Variants in SLC35D4 observed in about 807,000 individuals in gnomAD.
SLC35D4 encodes solute carrier family 35 member D4, also known as UDP-N-acetylglucosamine transporter SLC35D4.
At chr18:23,410,286 G>C in the SLC35D4 span, among the ~76,000 whole-genome samples, 3 of 152,006 alleles carry the variant, frequency 2.0e-5, no homozygotes, top group Non-Finnish European at 2.9e-5. Context: ...GACCATCCTG[G>C]CTAACACAGT....
At chr18:23,336,081 A>G in the SLC35D4 span, among the ~76,000 whole-genome samples, 1 of 152,074 alleles carries the variant, frequency 6.6e-6, no homozygotes, top group East Asian at 1.9e-4. Context: ...AAAAAAAAAA[A>G]CAAGAACCTT....
At chr18:23,297,867 C>T in the SLC35D4 span, 3 of 960,220 alleles carry the variant, frequency 3.1e-6, no homozygotes, top group East Asian at 2.7e-5. Flanking sequence ...AGGGTGATGG[C>T]ACTGCCCACC....
At chr18:23,271,574 G>A in the SLC35D4 span, among the ~76,000 whole-genome samples, 1 of 152,126 alleles carries the variant, frequency 6.6e-6, no homozygotes, top group African/African-American at 2.4e-5. Flanking sequence ...CTGAGTTATA[G>A]ACAGGCCTGT....
At chr18:23,331,072 G>C in the SLC35D4 span, 1 of 152,282 alleles carries the variant, frequency 6.6e-6, no homozygotes, top group Non-Finnish European at 1.5e-5. Context: ...CAGCAGGAGC[G>C]TTCAGCGAGA....
the SLC35D4 span, among the ~76,000 whole-genome samples, chr18:23,249,715 C>A: frequency 7.2e-5 from 11 of 152,202 alleles, no homozygotes. Context: ...GAGTGACTTT[C>A]TCCCTGTTGC....
chr18:23,315,570 G>A, the SLC35D4 span, among the ~76,000 whole-genome samples: 2 of 152,214 alleles, frequency 1.3e-5, no homozygotes, highest in Non-Finnish European at 2.9e-5. Flanking sequence ...CAGATAATCA[G>A]AGCTGGTAAT....
At chr18:23,403,976 G>A in the SLC35D4 span, among the ~76,000 whole-genome samples, 1 of 151,966 alleles carries the variant, frequency 6.6e-6, no homozygotes, top group Non-Finnish European at 1.5e-5. Context: ...AAATTAGCTG[G>A]GCACGGTGGC....
chr18:23,284,982 T>G, the SLC35D4 span, among the ~76,000 whole-genome samples: 4 of 152,368 alleles, frequency 2.6e-5, no homozygotes, highest in Non-Finnish European at 5.9e-5. Context: ...CTCCTGTGTC[T>G]GTCTCCTCAA....
the SLC35D4 span, chr18:23,257,759 G>A: frequency 5.9e-6 from 1 of 168,468 alleles, no homozygotes; most frequent in Non-Finnish European, 1.3e-5. Context: ...GGGGAAGAGA[G>A]TCTGCAGAAG....
At chr18:23,325,122 A>G in the SLC35D4 span, among the ~76,000 whole-genome samples, 1 of 152,090 alleles carries the variant, frequency 6.6e-6, no homozygotes, top group Non-Finnish European at 1.5e-5. Flanking sequence ...CTGGGTCACA[A>G]ACTGGCTGAA....
the SLC35D4 span, among the ~76,000 whole-genome samples, chr18:23,254,903 G>C: frequency 9.8e-3 from 1,494 of 152,304 alleles, 31 homozygotes; most frequent in African/African-American, 0.034. Flanking sequence ...CCCATAACAA[G>C]GGGCATGCCA....
the SLC35D4 span, among the ~76,000 whole-genome samples, chr18:23,421,016 G>A: frequency 6.6e-6 from 1 of 151,912 alleles, no homozygotes; most frequent in Non-Finnish European, 1.5e-5. Flanking sequence ...GGTCAAGGCA[G>A]GTGGATCACT....
At chr18:23,267,525 C>T in the SLC35D4 span, among the ~76,000 whole-genome samples, 1 of 152,120 alleles carries the variant, frequency 6.6e-6, no homozygotes, top group South Asian at 2.1e-4. Flanking sequence ...CCCCAGGACA[C>T]TCCTCTAGCT....
At chr18:23,282,374 C>A in the SLC35D4 span, among the ~76,000 whole-genome samples, 16 of 152,322 alleles carry the variant, frequency 1.1e-4, no homozygotes, top group African/African-American at 3.6e-4. Flanking sequence ...GTTTTACTAA[C>A]GGTAAACCAC....
chr18:23,245,530 G>T, the SLC35D4 span, among the ~76,000 whole-genome samples: 2 of 151,228 alleles, frequency 1.3e-5, no homozygotes, highest in African/African-American at 2.4e-5. Flanking sequence ...AGCGAAATAG[G>T]TATCAGTGTT....
the SLC35D4 span, among the ~76,000 whole-genome samples, chr18:23,311,396 CT>C: frequency 0.67 from 98,882 of 146,568 alleles, 33,174 homozygotes; most frequent in Middle Eastern, 0.83. Context: ...CCTGGCCCTT[CT>C]TTTTTTTTTT....
At chr18:23,325,754 A>T in the SLC35D4 span, among the ~76,000 whole-genome samples, 2 of 152,232 alleles carry the variant, frequency 1.3e-5, no homozygotes, top group Admixed American at 6.5e-5. Context: ...CCTCTTCATG[A>T]AAGCTAAATA....
At chr18:23,271,192 C>T in the SLC35D4 span, among the ~76,000 whole-genome samples, 2 of 152,236 alleles carry the variant, frequency 1.3e-5, no homozygotes, top group Non-Finnish European at 1.5e-5. Context: ...CCCCTACAAA[C>T]ACTCTGTCTC....
At chr18:23,286,616 C>T in the SLC35D4 span, among the ~76,000 whole-genome samples, 3 of 151,918 alleles carry the variant, frequency 2.0e-5, no homozygotes, top group East Asian at 5.8e-4. Flanking sequence ...AAGTCCGTCC[C>T]CTTCTTAATC....
Sources: allele counts gnomAD v4.1 joint callset (sites outside exome capture counted in the v4.1 genomes callset), GRCh38; gene constraint gnomAD v4.1.1; transcripts MANE v1.5; gene names NCBI Gene and HGNC (gene_info 2026-07-23, HGNC 2026-07-21).